Variants in DNAJC7 observed in about 807,000 individuals in gnomAD.
The protein encoded by DNAJC7 is DnaJ heat shock protein family (Hsp40) member C7.
DNAJC7 carries 18 observed loss-of-function variants against 67.4 expected under a neutral mutation model. The ratio of observed to expected loss-of-function variants is 0.27; its 90% confidence interval spans 0.18 to 0.40. The LOEUF is 0.40. DNAJC7 is among the 10% of genes least tolerant of loss of function. DNAJC7 has a pLI of 1.00. For missense variants in DNAJC7, 419 were observed against 613.8 expected (o/e 0.68, Z 3.35); for synonymous variants, 220 against 207.8 (o/e 1.06, Z -0.50).
intron 1 of DNAJC7, chr17:42,000,909 T>G: frequency 5.8e-6 from 1 of 173,330 alleles, no homozygotes; most frequent in Non-Finnish European, 1.2e-5. Context: ...GGAATTTTTC[T>G]ATCTCCTTCC....
intron 1 of DNAJC7, among the ~76,000 whole-genome samples, chr17:42,010,639 G>T (rs1273502047): frequency 1.3e-5 from 2 of 152,072 alleles, no homozygotes; most frequent in Non-Finnish European, 2.9e-5. Flanking sequence ...TTCAACAGGT[G>T]GTTAACTGTC....
At chr17:41,984,832 CT>C (rs1230121297) in intron 9 of DNAJC7, 262 of 145,038 alleles carry the variant, frequency 1.8e-3, no homozygotes, top group Non-Finnish European at 1.8e-3. Flanking sequence ...CATTTTCTTT[CT>C]TTTTTTTTTT....
chr17:42,008,603 G>T (rs1030129994), intron 1 of DNAJC7, among the ~76,000 whole-genome samples: 115 of 152,076 alleles, frequency 7.6e-4, no homozygotes, highest in Non-Finnish European at 2.5e-4. Context: ...GTAGAGACGG[G>T]GTTTCACCGT....
intron 6 of DNAJC7, 21 bp from the exon 7 acceptor site, chr17:41,989,578 C>G (rs2051461819): frequency 1.8e-5 from 29 of 1,612,106 alleles, no homozygotes; most frequent in Non-Finnish European, 2.5e-5. Context: ...CAGAAAAGGG[C>G]ACATTGAGCT....
In DNAJC7 at chr17:41,987,858, T is replaced by G; in HGVS notation, c.971A>C (p.Asp324Ala). Residue 324 changes from aspartate to alanine, a missense_variant, in exon 9 of 14, where the codon GAT (aspartate) becomes GCT (alanine). Physicochemically the swap from Asp to Ala is moderately radical, Grantham distance 126. This residue lies in a region of DNAJC7 where 161 missense variants were observed against 252.2 expected (regional missense o/e 0.64). Transcript: ENST00000457167. ...IEDCTNAVKL[D>A]DTYIKAYLRR... ...CAAGTAGGCTTTTATGTAAGTGTCA[T>G]CAAGCTTCACTGCATTTGTGCAGTC... 6.2e-7 allele frequency: 1 copy of G among 1,612,106 alleles called. No individual in the cohort carries two copies. Among genetic ancestry groups the G allele is most frequent in the East Asian group, 2.2e-5 (1 of 44,866 alleles).
chr17:41,996,293 A>G lies in DNAJC7; in HGVS notation c.405+18T>C, dbSNP rs2051656538. 1 of 1,611,910 alleles carries G rather than the reference A, an allele frequency of 6.2e-7. No individual in the cohort carries two copies. ...TACCATACTGCCTCTTTTGACAGAAACAGGATCAGACCCGTACCTCTTGTT... is the reference window on the plus strand; with the variant it reads ...TACCATACTGCCTCTTTTGACAGAAGCAGGATCAGACCCGTACCTCTTGTT... On this transcript the variant is annotated intron_variant, in intron 4 of 13. Transcript: ENST00000457167.
intron 1 of DNAJC7, among the ~76,000 whole-genome samples, chr17:42,012,827 ACT>A (rs1356286999): frequency 6.6e-6 from 1 of 151,930 alleles, no homozygotes; most frequent in African/African-American, 2.4e-5. Context: ...ACAGGGTTTC[ACT>A]CTGTCACCCA....
intron 9 of DNAJC7, chr17:41,984,488 T>A (rs561346509): frequency 3.9e-5 from 6 of 152,342 alleles, no homozygotes; most frequent in African/African-American, 1.4e-4. Flanking sequence ...TTTTTTTTTT[T>A]AGTAGAGACA....
Position 41,988,725 on chromosome 17 carries a change from A to G in DNAJC7, c.918+7T>C. 1.3e-6 allele frequency: 2 copies of G among 1,590,206 alleles called. No individual in the cohort carries two copies. Among genetic ancestry groups the G allele is most frequent in the Non-Finnish European group, 1.7e-6 (2 of 1,172,768 alleles). ...TATAGGCCCCAAGATCTAGATCAAG[A>G]GCTTACCTTGGAATTAACCGTACCC... On this transcript the variant is annotated splice_region_variant and intron_variant, in intron 8 of 13. Transcript: ENST00000457167.
intron 5 of DNAJC7, among the ~76,000 whole-genome samples, chr17:41,992,956 G>A (rs1865800499): frequency 6.6e-6 from 1 of 152,124 alleles, no homozygotes; most frequent in African/African-American, 2.4e-5. Flanking sequence ...ACTGACAGTA[G>A]GCAGAATTGC....
intron 1 of DNAJC7, chr17:42,016,165 G>C (rs2052278149): frequency 1.3e-5 from 2 of 152,220 alleles, no homozygotes; most frequent in Admixed American, 6.5e-5. Flanking sequence ...GCTCCCAGCA[G>C]ATCAGGAACT....
chr17:42,016,643 G>A (rs1555651952), intron 1 of DNAJC7: 1 of 152,788 alleles, frequency 6.5e-6, no homozygotes, highest in Non-Finnish European at 1.5e-5. Context: ...GGCTGCTTCG[G>A]AGTGCCAACA....
chr17:41,999,711 G>A (rs1266985319), intron 2 of DNAJC7, among the ~76,000 whole-genome samples: 2 of 152,008 alleles, frequency 1.3e-5, no homozygotes, highest in Non-Finnish European at 2.9e-5. Flanking sequence ...TAGAGACAGG[G>A]TTTCACCATG....
chr17:41,996,497 C>T, intron 3 of DNAJC7, 73 bp from the exon 4 acceptor site: 1 of 1,408,442 alleles, frequency 7.1e-7, no homozygotes. Context: ...CAGCAACAGA[C>T]ACCCACACAA....
rs1004256770 is a variant in DNAJC7, at chr17:42,012,410, G to A, written c.77+4930C>T. On this transcript the variant is annotated intron_variant, in intron 1 of 13. Coordinates refer to ENST00000457167, the MANE Select transcript of DNAJC7 (RefSeq NM_003315.4). ...AGGCAGGAGAATCATTTGAACCCAGGAGGCGGAGTTTGCAGTGAGCTGAGA... is the reference window on the plus strand; with the variant it reads ...AGGCAGGAGAATCATTTGAACCCAGAAGGCGGAGTTTGCAGTGAGCTGAGA... Among the ~76,000 whole-genome samples, 11 of 152,308 alleles carry A rather than the reference G, an allele frequency of 7.2e-5. 1 individual carries two copies. In the South Asian group the frequency reaches 1.9e-3, roughly 26 times the overall value.
intron 2 of DNAJC7, among the ~76,000 whole-genome samples, chr17:41,998,578 G>C (rs2051721700): frequency 6.6e-6 from 1 of 152,186 alleles, no homozygotes; most frequent in South Asian, 2.1e-4. Context: ...GAAGTGTAGT[G>C]ATTATCTTTT....
chr17:41,982,373 C>G lies in DNAJC7; in HGVS notation c.1113G>C (p.Gln371His). ...KEHKQLLKNA[Q>H]LELKKSKRKD... is the part of the protein sequence containing the mutation. Reference sequence around the variant, plus strand: ...TCCTCTTACTCTTCTTCAGTTCCAGCTGCGCATTTTTTAGGAGCTGTTTGT... The same window carrying G: ...TCCTCTTACTCTTCTTCAGTTCCAGGTGCGCATTTTTTAGGAGCTGTTTGT... The change falls in exon 11 of 14, where the codon CAG (glutamine) becomes CAC (histidine). Residue 371 changes from glutamine to histidine, a missense_variant. Gln to His is a conservative substitution (Grantham distance 24). This residue lies in a region of DNAJC7 where 161 missense variants were observed against 252.2 expected (regional missense o/e 0.64). Coordinates refer to ENST00000457167, the MANE Select transcript of DNAJC7 (RefSeq NM_003315.4). 6.2e-7 allele frequency: 1 copy of G among 1,613,978 alleles called. No homozygotes were observed. The highest frequency in any genetic ancestry group is 8.5e-7 in the Non-Finnish European group (1 of 1,179,890).
At position 41,990,377 on chromosome 17, in the gene DNAJC7, A is replaced by G. The variant is rs2051484211; in HGVS notation, c.486T>C (p.Val162=). ...DFEKRDFRKV[V]FCMDRALEFA... is the part of the protein sequence containing the mutation. ...ATTCTAGGGCACGGTCCATGCAGAA[A>G]ACAACCTGTAGGGAAGAAGAAAACA... The change falls in exon 6 of 14, where the codon GTT becomes GTC. Residue 162 remains valine, a synonymous_variant. Transcript: ENST00000457167. 1 of 1,605,820 alleles carries G rather than the reference A, an allele frequency of 6.2e-7. No homozygotes were observed. Among genetic ancestry groups the G allele is most frequent in the African/African-American group, 1.3e-5 (1 of 74,798 alleles).
At chr17:41,977,154 A>G in intron 13 of DNAJC7, 107 bp downstream of exon 13, 1 of 1,134,286 alleles carries the variant, frequency 8.8e-7, no homozygotes, top group Non-Finnish European at 1.3e-6. Flanking sequence ...ATGAGAATTC[A>G]GCTGCCCCCG....
Sources: allele counts gnomAD v4.1 joint callset (sites outside exome capture counted in the v4.1 genomes callset), GRCh38; gene constraint gnomAD v4.1.1; regional missense constraint gnomAD v4.1.1; transcripts MANE v1.5; gene names NCBI Gene and HGNC (gene_info 2026-07-23, HGNC 2026-07-21).